Variants in CACNA1C observed in about 807,000 individuals in gnomAD.
The protein encoded by CACNA1C is voltage-dependent L-type calcium channel subunit alpha-1C.
CACNA1C carries 30 observed loss-of-function variants against 229.0 expected under a neutral mutation model. The observed-to-expected ratio is 0.13, with a 90% CI of 0.10 to 0.18. The LOEUF (loss-of-function observed/expected upper bound fraction) is 0.18, where lower values mean the gene tolerates loss of function less well. Among genes scored for constraint, CACNA1C ranks in the 10% least tolerant of loss-of-function variants. The pLI, the probability that CACNA1C is intolerant of heterozygous loss-of-function variation, is 1.00. For missense variants in CACNA1C, 1,658 were observed against 2,845.0 expected, an observed-to-expected ratio of 0.58 and a Z score of 9.49; for synonymous variants, 1,114 against 1,132.5, an observed-to-expected ratio of 0.98 and a Z score of 0.33.
chr12:2,099,834 C>G (rs1201085128), intron 1 of CACNA1C, among the ~76,000 whole-genome samples: 1 of 152,150 alleles, frequency 6.6e-6, no homozygotes, highest in Non-Finnish European at 1.5e-5. Flanking sequence ...CAGGGAAACA[C>G]AGGCAGCTCC....
chr12:2,324,806 C>T lies in CACNA1C; in HGVS notation c.478-124170C>T, dbSNP rs374342221. On this transcript the variant is annotated intron_variant, in intron 3 of 46. Transcript: ENST00000399655. ...GTCTGGGGCACAGAGCTGGGCCTCT[C>T]GGGGGGTTTGCTGTCTGTCTTGCTC... is the stretch of plus-strand genomic sequence containing the variant. Among the ~76,000 whole-genome samples, 3 of 152,030 alleles carry T rather than the reference C, an allele frequency of 2.0e-5. No individual in the cohort carries two copies. The South Asian group carries it at 6.2e-4, about 32-fold the overall frequency.
Position 2,651,351 on chromosome 12 carries a change from C to T in CACNA1C, c.3946-289C>T. On this transcript the variant is annotated intron_variant, in intron 31 of 46. Coordinates refer to ENST00000399655, the MANE Select transcript of CACNA1C (RefSeq NM_000719.7). This position sits in a 1 kb window ranked among gnomAD's most constrained non-coding sequence, Gnocchi z 5.4. ...AGTTCCTGATGGAGTCGTCTGTCCT[C>T]CATCCAGGGCATTAAGAACTAGGAA... The T allele has an allele frequency of 1.9e-6, 1 of 530,386 alleles. No homozygotes were observed. Among genetic ancestry groups the T allele is most frequent in the Non-Finnish European group, 3.4e-6 (1 of 298,472 alleles). The allele number at this position is 530,386 out of a possible 1,614,324, so 32.9% of individuals were successfully genotyped here. A position where few individuals can be genotyped will look rare whatever the true frequency, so the allele number is the denominator to read the frequency against.
chr12:2,267,288 C>G (rs192331243), intron 3 of CACNA1C, among the ~76,000 whole-genome samples: 2 of 152,170 alleles, frequency 1.3e-5, no homozygotes, highest in Non-Finnish European at 2.9e-5. Flanking sequence ...CAGGCTGGAG[C>G]TGAGCTTTGG....
chr12:2,126,484 C>A (rs1035730607), intron 3 of CACNA1C, among the ~76,000 whole-genome samples: 2 of 152,216 alleles, frequency 1.3e-5, no homozygotes, highest in African/African-American at 2.4e-5. Flanking sequence ...CTGAAGCCCA[C>A]GAAGACTTGG....
At chr12:2,625,338 G>A (rs528388149) in intron 29 of CACNA1C, among the ~76,000 whole-genome samples, 35 of 152,308 alleles carry the variant, frequency 2.3e-4, no homozygotes, top group Non-Finnish European at 3.2e-4. Context: ...TGTGGTTTCC[G>A]TCTCTGGCCC....
rs2099705170 is a variant in CACNA1C, at chr12:2,488,402, G to A, written c.916+2140G>A. ...AGCCGTCCTGAAGGCCATAGCCGTA[G>A]GGCCCAGTGAAGAGGTCGCCCCAAC... On this transcript the variant is annotated intron_variant, in intron 6 of 46. Transcript: ENST00000399655. This position sits in a 1 kb window ranked among gnomAD's most constrained non-coding sequence, Gnocchi z 4.0. Among the ~76,000 whole-genome samples, 1 of 152,192 alleles carries A rather than the reference G, an allele frequency of 6.6e-6. No individual in the cohort carries two copies.
chr12:2,528,672 T>A (rs1377919257), intron 9 of CACNA1C, among the ~76,000 whole-genome samples: 1 of 152,196 alleles, frequency 6.6e-6, no homozygotes, highest in Non-Finnish European at 1.5e-5. Context: ...AGCAAGGAGA[T>A]GGAAGAGCAG....
At chr12:2,578,516 C>T (rs1419165033) in intron 13 of CACNA1C, among the ~76,000 whole-genome samples, 7 of 152,160 alleles carry the variant, frequency 4.6e-5, no homozygotes, top group African/African-American at 1.7e-4. Flanking sequence ...GCTGCTGCTG[C>T]AGCTTGGACA....
chr12:2,123,357 CAGA>C (rs547946854), intron 3 of CACNA1C, among the ~76,000 whole-genome samples: 101 of 108,168 alleles, frequency 9.3e-4, no homozygotes, highest in African/African-American at 3.7e-3. Context: ...GCCTGGGTGA[CAGA>C]AGGAGACTCC....
intron 3 of CACNA1C, among the ~76,000 whole-genome samples, chr12:2,157,804 T>C (rs1427784587): frequency 6.6e-6 from 1 of 152,198 alleles, no homozygotes; most frequent in Non-Finnish European, 1.5e-5. Context: ...AAAGGATGCC[T>C]ATTTAAATCA....
intron 42 of CACNA1C, among the ~76,000 whole-genome samples, chr12:2,681,719 T>C (rs1371305728): frequency 2.0e-5 from 3 of 152,008 alleles, no homozygotes; most frequent in Admixed American, 2.0e-4. Flanking sequence ...AGAGAGAGAA[T>C]TGCTTCTACC....
chr12:2,641,626 C>A, intron 30 of CACNA1C: 2 of 666,524 alleles, frequency 3.0e-6, no homozygotes, highest in East Asian at 2.8e-5. Context: ...TGCCTTGTTT[C>A]AAAATGAAGT....
At chr12:2,262,532 G>A (rs1269175735) in intron 3 of CACNA1C, among the ~76,000 whole-genome samples, 1 of 152,162 alleles carries the variant, frequency 6.6e-6, no homozygotes, top group East Asian at 1.9e-4. Context: ...GCAGCCATAG[G>A]TTGACAATGA....
At chr12:2,347,592 G>A (rs1469188534) in intron 3 of CACNA1C, among the ~76,000 whole-genome samples, 1 of 152,232 alleles carries the variant, frequency 6.6e-6, no homozygotes, top group East Asian at 1.9e-4. Flanking sequence ...TAGGAACACC[G>A]CTCCAGGACC....
intron 18 of CACNA1C, among the ~76,000 whole-genome samples, chr12:2,591,366 C>T (rs1184668208): frequency 2.0e-5 from 3 of 152,178 alleles, no homozygotes; most frequent in Non-Finnish European, 4.4e-5. Context: ...ACAGAGTCCC[C>T]TTCCTTCTGA....
chr12:2,488,440 G>C lies in CACNA1C; in HGVS notation c.916+2178G>C, dbSNP rs1268219665. On this transcript the variant is annotated intron_variant, in intron 6 of 46. Transcript: ENST00000399655. This position sits in a 1 kb window ranked among gnomAD's most constrained non-coding sequence, Gnocchi z 4.0. ...AGGTCGCCCCAACGCCCCAAGTACC[G>C]AACCTGTCATGGCCTCCTCTTCTCT... Among the ~76,000 whole-genome samples, 1 of 152,158 alleles carries C rather than the reference G, an allele frequency of 6.6e-6. No homozygotes were observed. The highest frequency in any genetic ancestry group is 2.1e-4 in the South Asian group (1 of 4,828).
intron 1 of CACNA1C, among the ~76,000 whole-genome samples, chr12:2,094,029 T>C (rs1402277173): frequency 6.6e-6 from 1 of 152,276 alleles, no homozygotes; most frequent in Non-Finnish European, 1.5e-5. Context: ...AAGATGCTGC[T>C]GGGTCACCCC....
At chr12:2,572,784 TCCTCCTCCTCCTCCTC>T (rs2056606660) in intron 13 of CACNA1C, among the ~76,000 whole-genome samples, 1 of 104,190 alleles carries the variant, frequency 9.6e-6, no homozygotes, top group Non-Finnish European at 2.0e-5. Context: ...CCTTCTCCTC[TCCTCCTCCTCCTCCTC>T]TCCTCCTTCT....
rs75471452 is a variant in CACNA1C, at chr12:2,236,591, G to A, written c.477+116161G>A. Among the ~76,000 whole-genome samples the A allele has an allele frequency of 1.8e-3, 274 of 152,146 alleles. 1 individual carries two copies. The highest frequency in any genetic ancestry group is 6.1e-3 in the African/African-American group (253 of 41,492). ...TTTCCTTTGTTGCTGGGTTTAACTT[G>A]GCACTTCTAGGCTACTTTAGTCCTA... On this transcript the variant is annotated intron_variant, in intron 3 of 46. Coordinates refer to ENST00000399655, the MANE Select transcript of CACNA1C (RefSeq NM_000719.7).
Sources: gnomAD v4.1 joint callset for allele counts (sites outside exome capture counted in the v4.1 genomes callset) on GRCh38, gnomAD v4.1.1 for gene constraint, Gnocchi (gnomAD v3.1) non-coding constraint, MANE v1.5 for transcripts, NCBI Gene and HGNC (gene_info 2026-07-23, HGNC 2026-07-21) for gene names.